Variants in PIWIL1 observed in about 807,000 individuals in gnomAD.
PIWIL1 encodes piwi-like protein 1.
In PIWIL1, 73 loss-of-function variants were observed where a neutral mutation model predicts 114.4. That is an observed-to-expected ratio of 0.64 (90% confidence interval 0.53 to 0.78). The LOEUF is 0.78. Ranked by LOEUF, PIWIL1 falls within the 30% of genes least tolerant of loss-of-function variation. PIWIL1 has a pLI of 0.00. For synonymous variants in PIWIL1, 375 were observed against 369.0 expected (o/e 1.02, Z -0.19); for missense variants, 723 against 1,063.1 (o/e 0.68, Z 4.45).
the PIWIL1 span, chr12:130,406,310 G>T: frequency 9.6e-7 from 1 of 1,041,466 alleles, no homozygotes; most frequent in Non-Finnish European, 1.5e-6. Flanking sequence ...TTAAAAATAA[G>T]TTCTCTATGC....
intron 19 of PIWIL1, among the ~76,000 whole-genome samples, chr12:130,369,873 G>C (rs1296614415): frequency 6.6e-6 from 1 of 152,120 alleles, no homozygotes; most frequent in Non-Finnish European, 1.5e-5. Context: ...TTGCTGTGCA[G>C]AAATTCTTTA....
the PIWIL1 span, among the ~76,000 whole-genome samples, chr12:130,405,243 G>T: frequency 1.3e-5 from 2 of 152,166 alleles, no homozygotes; most frequent in African/African-American, 4.8e-5. Context: ...GAGCTGGAAA[G>T]AACTATTTGA....
the PIWIL1 span, chr12:130,424,256 C>T: frequency 3.2e-6 from 4 of 1,231,868 alleles, no homozygotes; most frequent in Non-Finnish European, 4.0e-6. The surrounding 1 kb of genome is among the most constrained non-coding windows in gnomAD (Gnocchi z 9.8). Flanking sequence ...GCTCGGTGGG[C>T]TCGCCCCAGC....
chr12:130,363,286 A>G, intron 18 of PIWIL1, 142 bp downstream of exon 18: 5 of 821,260 alleles, frequency 6.1e-6, no homozygotes, highest in Non-Finnish European at 9.6e-6. Context: ...GGAAGGGCAG[A>G]GGGAAGTTTC....
At chr12:130,414,063 C>G in the PIWIL1 span, 2 of 1,535,068 alleles carry the variant, frequency 1.3e-6, no homozygotes, top group South Asian at 1.1e-5. Flanking sequence ...CCAGTCTCTG[C>G]CCCCATGACC....
At chr12:130,372,645 A>G (rs889514801), downstream of PIWIL1, 12 of 136,226 alleles carry the variant, frequency 8.8e-5, no homozygotes, top group Non-Finnish European at 1.7e-4. Flanking sequence ...AAAAAGCTCA[A>G]TTAGTGTCTC....
intron 1 of PIWIL1, 67 bp downstream of exon 1, chr12:130,338,213 G>A (rs1308282319): frequency 6.5e-5 from 21 of 324,386 alleles, no homozygotes; most frequent in Non-Finnish European, 1.2e-4. Flanking sequence ...CTGGGGGTCC[G>A]GGATGTGGAG....
At chr12:130,407,795 T>C in the PIWIL1 span, 10 of 1,613,894 alleles carry the variant, frequency 6.2e-6, no homozygotes, top group Non-Finnish European at 8.5e-6. Context: ...TCCGCGTCGA[T>C]ACCGAATGAC....
the PIWIL1 span, among the ~76,000 whole-genome samples, chr12:130,411,040 C>T: frequency 3.9e-5 from 6 of 152,102 alleles, no homozygotes; most frequent in East Asian, 1.9e-4. Flanking sequence ...TTCTGATTTT[C>T]GGCATACAAA....
At chr12:130,379,901 G>A in the PIWIL1 span, among the ~76,000 whole-genome samples, 2 of 39,342 alleles carry the variant, frequency 5.1e-5, no homozygotes, top group African/African-American at 2.5e-4. Context: ...AGCATTGACA[G>A]TTCCTTCAAC....
chr12:130,399,195 T>A, the PIWIL1 span: 8 of 1,224,146 alleles, frequency 6.5e-6, no homozygotes, highest in African/African-American at 3.2e-5. Flanking sequence ...GAAATAAAAA[T>A]ATATATATAA....
chr12:130,352,615 G>A (rs2073241746), intron 9 of PIWIL1, among the ~76,000 whole-genome samples: 1 of 152,218 alleles, frequency 6.6e-6, no homozygotes, highest in African/African-American at 2.4e-5. Flanking sequence ...GGGAGACGGA[G>A]GTTGCAGTGA....
chr12:130,421,689 ATATGTG>A, the PIWIL1 span, among the ~76,000 whole-genome samples: 4 of 106,954 alleles, frequency 3.7e-5, no homozygotes, highest in Non-Finnish European at 6.9e-5. Context: ...CCCTGCATTT[ATATGTG>A]TGTGTGTGTG....
chr12:130,342,607 C>G lies in PIWIL1; in HGVS notation c.16C>G (p.Arg6Gly), dbSNP rs1565939251. Reference protein sequence around the residue: MTGRARARARGRARGQ... With the variant: MTGRAGARARGRARGQ... Reference sequence around the variant, plus strand: ...ATAGAAAACAATGACTGGGAGAGCCCGAGCCAGAGCCAGAGGAAGGGCCCG... The same window carrying G: ...ATAGAAAACAATGACTGGGAGAGCCGGAGCCAGAGCCAGAGGAAGGGCCCG... The change falls in exon 2 of 21, where the codon CGA becomes GGA. Residue 6 changes from arginine (R) to glycine (G), a missense_variant. Around this residue, in one of 8 missense-constraint regions of PIWIL1, gnomAD observed 91 missense variants for 76.2 expected, o/e 1.19. Coordinates refer to ENST00000245255, the MANE Select transcript of PIWIL1 (RefSeq NM_004764.5). 1.2e-5 allele frequency: 19 copies of G among 1,613,346 alleles called. No individual in the cohort carries two copies. The highest frequency in any genetic ancestry group is 3.3e-5 in the South Asian group (3 of 91,016).
the PIWIL1 span, among the ~76,000 whole-genome samples, chr12:130,384,453 G>A: frequency 3.9e-5 from 6 of 152,314 alleles, no homozygotes; most frequent in South Asian, 1.0e-3. Context: ...AGATAAGGAC[G>A]CTGAGTACCA....
intron 7 of PIWIL1, among the ~76,000 whole-genome samples, chr12:130,348,746 C>T (rs530849434): frequency 6.6e-6 from 1 of 152,194 alleles, no homozygotes; most frequent in Admixed American, 6.5e-5. Flanking sequence ...ACTAAAAATA[C>T]AAAGATTAGC....
the PIWIL1 span, among the ~76,000 whole-genome samples, chr12:130,395,434 G>GTACT: frequency 6.0e-4 from 91 of 152,220 alleles, no homozygotes; most frequent in African/African-American, 1.3e-3. Context: ...TAGGAAAATT[G>GTACT]TACTTACTTA....
intron 8 of PIWIL1, 95 bp from the exon 9 acceptor site, chr12:130,349,761 T>G: frequency 1.3e-6 from 1 of 742,972 alleles, no homozygotes. Flanking sequence ...CCAGGTGATT[T>G]GAAATTTTAG....
At position 130,338,721 on chromosome 12, in the gene PIWIL1, C is replaced by T. The variant is rs34906697; in HGVS notation, c.-13+575C>T. Among the ~76,000 whole-genome samples the T allele has an allele frequency of 8.2e-3, 738 of 90,008 alleles. 19 individuals carry two copies. The highest frequency in any genetic ancestry group is 0.013 in the Admixed American group (95 of 7,546). The allele number at this position is 90,008 out of a possible 152,430, so 59.0% of individuals were successfully genotyped here. ...GGGATGCAGGAGCCGGGTGCGGGGG[C>T]GAGGTCCCAGGTTTGGGAGATGCAG... On this transcript the variant is annotated intron_variant, in intron 1 of 20. Transcript: ENST00000245255.
Sources: gnomAD v4.1 joint callset for allele counts (sites outside exome capture counted in the v4.1 genomes callset) on GRCh38, gnomAD v4.1.1 for gene constraint, gnomAD v4.1.1 regional missense constraint, Gnocchi (gnomAD v3.1) non-coding constraint, MANE v1.5 for transcripts, NCBI Gene and HGNC (gene_info 2026-07-23, HGNC 2026-07-21) for gene names.